Variants in SPRED1 observed in about 807,000 individuals in gnomAD.
SPRED1 encodes the protein sprouty-related, EVH1 domain-containing protein 1.
In SPRED1, 18 loss-of-function variants were observed where a neutral mutation model predicts 52.3. The ratio of observed to expected loss-of-function variants is 0.34; its 90% CI spans 0.24 to 0.51. The LOEUF is 0.51. SPRED1 is among the 20% of genes least tolerant of loss of function. SPRED1 has a pLI of 0.97. For synonymous variants in SPRED1, 155 were observed against 179.7 expected (o/e 0.86, Z 1.10); for missense variants, 485 against 551.0 (o/e 0.88, Z 1.20).
At position 38,258,104 on chromosome 15, in the gene SPRED1, G is replaced by T. The variant is rs530667780; in HGVS notation, c.32+4887G>T. 2.0e-5 allele frequency among the ~76,000 whole-genome samples: 3 copies of T among 152,296 alleles called. No homozygotes were observed. The East Asian group carries it at 5.8e-4, about 29-fold the overall frequency. On this transcript the variant is annotated intron_variant, in intron 1 of 6. Transcript: ENST00000299084. ...TAATGTACAAAATGATCTCTAAAGT[G>T]AGTAATAATTTATTTGCAATTCTGC... is the stretch of plus-strand genomic sequence containing the variant.
intron 6 of SPRED1, among the ~76,000 whole-genome samples, chr15:38,350,344 C>T (rs1006075737): frequency 2.6e-5 from 4 of 152,100 alleles, no homozygotes; most frequent in Non-Finnish European, 5.9e-5. Context: ...TCCAAATTTC[C>T]TCATAAAGAA....
rs80282170 is a variant in SPRED1, at chr15:38,277,161, C to A, written c.33-22212C>A. Among the ~76,000 whole-genome samples the A allele has an allele frequency of 6.4e-3, 980 of 152,188 alleles. 63 individuals carry two copies. In the East Asian group the frequency reaches 0.16, roughly 24 times the overall value. ...ACTTTTAGGTTCAAGGTTACACGTG[C>A]AGGTTTGTTATATAGGTAAATTTTA... On this transcript the variant is annotated intron_variant, in intron 1 of 6. Transcript: ENST00000299084.
intron 1 of SPRED1, among the ~76,000 whole-genome samples, chr15:38,254,915 T>G (rs1894060945): frequency 6.6e-6 from 1 of 152,210 alleles, no homozygotes; most frequent in African/African-American, 2.4e-5. Context: ...TAACTTTTAT[T>G]GGTATCTTTC....
chr15:38,254,008 G>A (rs1351651685), intron 1 of SPRED1, among the ~76,000 whole-genome samples: 1 of 152,034 alleles, frequency 6.6e-6, no homozygotes, highest in Non-Finnish European at 1.5e-5. Flanking sequence ...AGCTTATTTG[G>A]GCTTTCTCCT....
chr15:38,298,479 G>C (rs1895081699), intron 1 of SPRED1: 2 of 296,302 alleles, frequency 6.7e-6, no homozygotes, highest in East Asian at 1.5e-4. Context: ...AATAAATTAT[G>C]ATAGATTTAT....
intron 1 of SPRED1, among the ~76,000 whole-genome samples, chr15:38,270,069 G>A (rs566965847): frequency 4.6e-5 from 7 of 151,890 alleles, no homozygotes; most frequent in African/African-American, 7.2e-5. Flanking sequence ...CACCATGCCC[G>A]GCTAATTTTG....
chr15:38,325,026 C>G (rs1895685339), intron 4 of SPRED1, among the ~76,000 whole-genome samples: 1 of 152,116 alleles, frequency 6.6e-6, no homozygotes, highest in African/African-American at 2.4e-5. Flanking sequence ...CTTTTTGAGA[C>G]AAGGTCTTGC....
intron 4 of SPRED1, among the ~76,000 whole-genome samples, chr15:38,331,425 T>C (rs565533980): frequency 2.1e-3 from 318 of 151,794 alleles, no homozygotes; most frequent in Non-Finnish European, 3.6e-3. Context: ...TTGTCACTTT[T>C]CAGGGGTTAT....
chr15:38,325,518 C>T (rs558886029), intron 4 of SPRED1, among the ~76,000 whole-genome samples: 2 of 151,746 alleles, frequency 1.3e-5, no homozygotes, highest in South Asian at 2.1e-4. Flanking sequence ...TGGGCAGGCA[C>T]GCTGAAAATT....
At chr15:38,257,706 C>T (rs1894127869) in intron 1 of SPRED1, among the ~76,000 whole-genome samples, 1 of 152,160 alleles carries the variant, frequency 6.6e-6, no homozygotes, top group South Asian at 2.1e-4. Context: ...TATGTATCTC[C>T]AGCTGTTTAT....
chr15:38,324,807 C>G lies in SPRED1; in HGVS notation c.421C>G (p.Gln141Glu). 1 of 1,611,750 alleles carries G rather than the reference C, an allele frequency of 6.2e-7. No individual in the cohort carries two copies. The highest frequency in any genetic ancestry group is 8.5e-7 in the Non-Finnish European group (1 of 1,178,808). The stretch of plus-strand genomic sequence containing the variant: ...TGAAGCTGAAGGGGCAGATGACTTA[C>G]AAGTAAGTAATGGCTTGGAAGGAAT... ...KNEAEGADDL[Q>E]ANEEDSSSSL... is the part of the protein sequence containing the mutation. The change falls in exon 4 of 7, where the codon CAA (glutamine) becomes GAA (glutamate). Residue 141 changes from glutamine (Q) to glutamate (E), a missense_variant and splice_region_variant. By Grantham distance (29) the Gln-to-Glu change is conservative. This residue lies in a region of SPRED1 where 232 missense variants were observed against 231.8 expected (regional missense o/e 1.00). Transcript: ENST00000299084.
chr15:38,304,914 C>T (rs1391850532), intron 2 of SPRED1, among the ~76,000 whole-genome samples: 2 of 152,076 alleles, frequency 1.3e-5, no homozygotes, highest in Admixed American at 6.6e-5. Context: ...TAAATCTTTT[C>T]AGTCAATCTC....
chr15:38,307,303 A>C (rs1356819072), intron 2 of SPRED1, among the ~76,000 whole-genome samples: 5 of 152,212 alleles, frequency 3.3e-5, no homozygotes, highest in Non-Finnish European at 5.9e-5. Context: ...TAACAAAATA[A>C]CGTAGACTGA....
chr15:38,331,795 A>G (rs1326062515), intron 4 of SPRED1, among the ~76,000 whole-genome samples: 2 of 152,168 alleles, frequency 1.3e-5, no homozygotes, highest in Admixed American at 6.6e-5. Flanking sequence ...TTCAGTTGAT[A>G]ACATAAGTTT....
intron 2 of SPRED1, among the ~76,000 whole-genome samples, chr15:38,314,635 A>C (rs1353011940): frequency 6.6e-6 from 1 of 151,840 alleles, no homozygotes; most frequent in Non-Finnish European, 1.5e-5. Flanking sequence ...GGTTTATTGG[A>C]GTATGGGAAC....
chr15:38,311,414 T>G (rs1441236813), intron 2 of SPRED1, among the ~76,000 whole-genome samples: 4 of 152,126 alleles, frequency 2.6e-5, no homozygotes, highest in Admixed American at 6.5e-5. Context: ...TTGTTTAATA[T>G]TGGTGTCAAG....
chr15:38,299,344 C>T, intron 1 of SPRED1, 29 bp from the exon 2 acceptor site: 1 of 1,613,144 alleles, frequency 6.2e-7, no homozygotes, highest in Non-Finnish European at 8.5e-7. Context: ...TATGGAAAAG[C>T]TAATTCCTGA....
At chr15:38,256,280 G>C (rs1894094842) in intron 1 of SPRED1, among the ~76,000 whole-genome samples, 1 of 152,038 alleles carries the variant, frequency 6.6e-6, no homozygotes, top group Non-Finnish European at 1.5e-5. Flanking sequence ...TTGTTTTGTA[G>C]GTAATTTGCA....
intron 2 of SPRED1, among the ~76,000 whole-genome samples, chr15:38,307,749 T>C (rs971667866): frequency 6.6e-6 from 1 of 152,182 alleles, no homozygotes; most frequent in Non-Finnish European, 1.5e-5. Context: ...AAGTTTAGTA[T>C]CTGCTAGTGC....
Sources: allele counts gnomAD v4.1 joint callset (sites outside exome capture counted in the v4.1 genomes callset), GRCh38; gene constraint gnomAD v4.1.1; regional missense constraint gnomAD v4.1.1; transcripts MANE v1.5; gene names NCBI Gene and HGNC (gene_info 2026-07-23, HGNC 2026-07-21).